SPG7: variants seen among roughly 807,000 people sequenced by gnomAD.
SPG7 encodes mitochondrial inner membrane m-AAA protease component paraplegin.
In SPG7, 103 loss-of-function variants were observed where a neutral mutation model predicts 81.9. That is an observed-to-expected ratio of 1.26 (90% CI 1.07 to 1.48). SPG7 has a LOEUF of 1.48. Ranked by LOEUF, SPG7 falls within the 40% of genes most tolerant of loss-of-function variation. The pLI, the probability that SPG7 is intolerant of heterozygous loss-of-function variation, is 0.00. For missense variants in SPG7, 1,241 were observed against 1,087.3 expected (o/e 1.14, Z -1.99); for synonymous variants, 534 against 444.2 (o/e 1.20, Z -2.54).
intron 1 of SPG7, among the ~76,000 whole-genome samples, chr16:89,510,254 C>T (rs955538943): frequency 1.3e-5 from 2 of 152,064 alleles, no homozygotes; most frequent in African/African-American, 4.8e-5. Flanking sequence ...GGATTACAGC[C>T]GTGAGCCACC....
intron 3 of SPG7, chr16:89,517,260 G>A (rs1463097918): frequency 7.2e-6 from 1 of 139,798 alleles, no homozygotes. Context: ...GAATGGCATG[G>A]CAGCCTCCGT....
chr16:89,516,023 T>C (rs1258264076), intron 3 of SPG7, among the ~76,000 whole-genome samples: 2 of 150,944 alleles, frequency 1.3e-5, no homozygotes, highest in Non-Finnish European at 3.0e-5. Context: ...GTTTCACTCT[T>C]GTTTCCCAGG....
At chr16:89,515,516 T>C (rs9928142) in intron 3 of SPG7, among the ~76,000 whole-genome samples, 66,638 of 146,618 alleles carry the variant, frequency 0.45, 15,240 homozygotes, top group East Asian at 0.68. Context: ...ATCTCCCCAC[T>C]TCGGCCTCCC....
intron 5 of SPG7, chr16:89,529,092 G>C (rs550497157): frequency 3.0e-6 from 1 of 337,740 alleles, no homozygotes; most frequent in African/African-American, 2.1e-5. Context: ...GATTACAGGC[G>C]TGAGCCACCG....
chr16:89,529,205 C>T (rs1005634583), intron 5 of SPG7: 14 of 515,828 alleles, frequency 2.7e-5, no homozygotes, highest in African/African-American at 2.1e-4. Flanking sequence ...AATAGAAAAA[C>T]CTGAACGTTG....
chr16:89,531,999 G>T lies in SPG7; in HGVS notation c.1083G>T (p.Ala361=), dbSNP rs114135540. ...GTGGGAAGACGCTGCTGGCCAAGGCGGTGGCCACGGAGGCTCAGGTGCCCT... is the reference window on the plus strand; with the variant it reads ...GTGGGAAGACGCTGCTGGCCAAGGCTGTGGCCACGGAGGCTCAGGTGCCCT... ...PGCGKTLLAK[A]VATEAQVPFL... Residue 361 remains alanine, a synonymous_variant, in exon 8 of 17, where the codon GCG becomes GCT. Coordinates refer to ENST00000645818, the MANE Select transcript of SPG7 (RefSeq NM_003119.4). 6.2e-7 allele frequency: 1 copy of T among 1,613,820 alleles called. No individual in the cohort carries two copies. Among genetic ancestry groups the T allele is most frequent in the African/African-American group, 1.3e-5 (1 of 74,930 alleles).
chr16:89,534,278 T>G (rs1303270999), intron 9 of SPG7, among the ~76,000 whole-genome samples: 2 of 152,198 alleles, frequency 1.3e-5, no homozygotes, highest in Non-Finnish European at 2.9e-5. Context: ...GCTATCCGCC[T>G]TCTTTCAAGC....
intron 1 of SPG7, among the ~76,000 whole-genome samples, chr16:89,509,671 A>G (rs2057985731): frequency 6.6e-6 from 1 of 152,030 alleles, no homozygotes; most frequent in Admixed American, 6.6e-5. Context: ...TGACAGCAGG[A>G]GCCCCGTGTC....
intron 5 of SPG7, 170 bp downstream of exon 5, chr16:89,526,638 G>A: frequency 1.4e-6 from 1 of 718,234 alleles, no homozygotes; most frequent in Non-Finnish European, 2.4e-6. Flanking sequence ...CAGGAGATTT[G>A]GAAATATAGT....
rs909327012 is a variant in SPG7 at position 89,551,215 on chromosome 16, G to T, written c.1779+606G>T. ...CCAAGAGGAGGTCTCTACTCGGAAC[G>T]CAGGTGCCGTCTTTACAGTGGAGCC... On this transcript the variant is annotated intron_variant, in intron 13 of 16. Transcript: ENST00000645818. 3 of 179,318 alleles carry T rather than the reference G, an allele frequency of 1.7e-5. No individual in the cohort carries two copies. In the East Asian group the frequency reaches 4.0e-4, roughly 24 times the overall value. 11.1% of individuals were successfully genotyped at this position (179,318 alleles called of 1,614,324 possible). A position where few individuals can be genotyped will look rare whatever the true frequency, so the allele number is the denominator to read the frequency against.
chr16:89,511,366 G>C (rs529929476), intron 2 of SPG7, among the ~76,000 whole-genome samples: 2 of 152,112 alleles, frequency 1.3e-5, no homozygotes, highest in Non-Finnish European at 2.9e-5. Flanking sequence ...TTGGCTTTAG[G>C]TTAAAGAACC....
intron 2 of SPG7, among the ~76,000 whole-genome samples, chr16:89,512,301 G>A (rs1295543953): frequency 6.6e-6 from 1 of 151,732 alleles, no homozygotes; most frequent in Non-Finnish European, 1.5e-5. Context: ...TGGCTGGGCT[G>A]CTGCTGTTGC....
At chr16:89,515,310 C>A (rs1195623283) in intron 3 of SPG7, among the ~76,000 whole-genome samples, 2 of 150,976 alleles carry the variant, frequency 1.3e-5, no homozygotes, top group Non-Finnish European at 2.9e-5. Context: ...GCTCTGTTGC[C>A]CAGACTGGAG....
At position 89,547,113 on chromosome 16, in the gene SPG7, G is replaced by C. The variant is rs189462821; in HGVS notation, c.1552+353G>C. ...AGTCCCGGCAAAGCCGCCTCCCTCT[G>C]ACCCTCACGGTCTCTGTCAAGTTGT... On this transcript the variant is annotated intron_variant, in intron 11 of 16. Transcript: ENST00000645818. 7.4e-4 allele frequency: 244 copies of C among 329,612 alleles called. 1 individual carries two copies. The highest frequency in any genetic ancestry group is 4.4e-3 in the African/African-American group (210 of 47,250). The allele number at this position is 329,612 out of a possible 1,614,324, so 20.4% of individuals were successfully genotyped here.
chr16:89,530,761 A>G lies in SPG7; in HGVS notation c.940A>G (p.Met314Val), dbSNP rs898925756. The part of the protein sequence containing the change: ...KGVSFKDVAG[M>V]HEAKLEVREF... ...AGTCAGCTTCAAAGACGTGGCAGGA[A>G]TGCACGAAGCCAAACTGGAAGTCCG... The change falls in exon 7 of 17, where the codon ATG becomes GTG. Residue 314 changes from methionine (M) to valine (V), a missense_variant. Physicochemically the swap from Met to Val is conservative, Grantham distance 21. Transcript: ENST00000645818. 6.2e-7 allele frequency: 1 copy of G among 1,614,228 alleles called. No individual in the cohort carries two copies. Among genetic ancestry groups the G allele is most frequent in the Non-Finnish European group, 8.5e-7 (1 of 1,180,046 alleles).
chr16:89,531,278 C>T (rs2058339088), intron 7 of SPG7: 1 of 262,700 alleles, frequency 3.8e-6, no homozygotes, highest in Non-Finnish European at 7.5e-6. Flanking sequence ...AGTCCTGGCA[C>T]CTCGGGGCGC....
At chr16:89,550,145 C>T (rs904474591) in intron 12 of SPG7, 22 of 355,216 alleles carry the variant, frequency 6.2e-5, no homozygotes, top group South Asian at 1.7e-4. Context: ...AGGGAGAGGC[C>T]GGGGTCTCAG....
At chr16:89,532,909 C>T in intron 9 of SPG7, 1 of 461,972 alleles carries the variant, frequency 2.2e-6, no homozygotes, top group Non-Finnish European at 4.0e-6. Flanking sequence ...CATGCTGAAA[C>T]CCCATCTCTA....
intron 3 of SPG7, among the ~76,000 whole-genome samples, chr16:89,513,769 G>A (rs2058053624): frequency 6.6e-6 from 1 of 152,144 alleles, no homozygotes; most frequent in Admixed American, 6.5e-5. Context: ...TTGTTAAGAT[G>A]GACGCCCTGC....
Sources: allele counts gnomAD v4.1 joint callset (sites outside exome capture counted in the v4.1 genomes callset), GRCh38; gene constraint gnomAD v4.1.1; transcripts MANE v1.5; gene names NCBI Gene and HGNC (gene_info 2026-07-23, HGNC 2026-07-21).